Variants in ABCC3 observed in about 807,000 individuals in gnomAD.
ABCC3 encodes ATP-binding cassette sub-family C member 3.
A neutral mutation model predicts 165.3 loss-of-function variants in ABCC3; 121 were observed. The observed-to-expected ratio is 0.73, with a 90% CI of 0.63 to 0.85. The LOEUF is 0.85. Ranked by LOEUF, ABCC3 falls within the 40% of genes least tolerant of loss-of-function variation. The pLI, the probability that ABCC3 is intolerant of heterozygous loss-of-function variation, is 0.00. For missense variants in ABCC3, 1,869 were observed against 1,964.1 expected, an observed-to-expected ratio of 0.95 and a Z score of 0.92; for synonymous variants, 733 against 810.1, an observed-to-expected ratio of 0.90 and a Z score of 1.62.
At chr17:50,677,521 G>T (rs568743932) in intron 23 of ABCC3, among the ~76,000 whole-genome samples, 1 of 152,270 alleles carries the variant, frequency 6.6e-6, no homozygotes, top group East Asian at 1.9e-4. Flanking sequence ...AGGCAGAGCC[G>T]TGTTGTTGTG....
Position 50,663,980 on chromosome 17 carries a change from G to A in ABCC3, c.1207G>A (p.Ala403Thr). Residue 403 changes from alanine to threonine, a missense_variant, in exon 10 of 31, where the codon GCG (alanine) becomes ACG (threonine). Transcript: ENST00000285238. ...ALVITNSVKR[A>T]STVGEIVNLM... ...GGTTATCACCAACTCAGTCAAACGT[G>A]CGTCCACTGTGGGGGAAATTGTCAA... is the stretch of plus-strand genomic sequence containing the variant. 2 of 1,614,154 alleles carry A rather than the reference G, an allele frequency of 1.2e-6. No homozygotes were observed. Among genetic ancestry groups the A allele is most frequent in the Non-Finnish European group, 1.7e-6 (2 of 1,180,028 alleles).
chr17:50,690,219 G>A (rs1968095958), intron 30 of ABCC3, among the ~76,000 whole-genome samples: 2 of 152,178 alleles, frequency 1.3e-5, no homozygotes, highest in Admixed American at 1.3e-4. Flanking sequence ...CAAGATGGGG[G>A]TGGAGAACAG....
rs754371461 is a variant in ABCC3 at position 50,675,676 on chromosome 17, T to G, written c.2760T>G (p.Pro920=). 2.2e-5 allele frequency: 34 copies of G among 1,573,136 alleles called. No homozygotes were observed. Among genetic ancestry groups the G allele is most frequent in the Middle Eastern group, 3.4e-4 (2 of 5,806 alleles). Residue 920 remains proline (P), a synonymous_variant, in exon 21 of 31, where the codon CCT becomes CCG. Transcript: ENST00000285238. ...LSSDGEGQGR[P]VPRRHLGPSE... Reference sequence around the variant, plus strand: ...CAGATGGGGAGGGACAGGGTCGGCCTGTACCCCGGAGGCACCTGGGTCCAT... The same window carrying G: ...CAGATGGGGAGGGACAGGGTCGGCCGGTACCCCGGAGGCACCTGGGTCCAT...
intron 1 of ABCC3, among the ~76,000 whole-genome samples, chr17:50,651,857 G>C (rs1326652548): frequency 6.6e-6 from 1 of 152,104 alleles, no homozygotes; most frequent in Non-Finnish European, 1.5e-5. Context: ...TAAACAACTA[G>C]TCATCATTTT....
chr17:50,682,463 C>T (rs1366286209), intron 26 of ABCC3, among the ~76,000 whole-genome samples: 1 of 152,048 alleles, frequency 6.6e-6, no homozygotes, highest in South Asian at 2.1e-4. Flanking sequence ...CTGCAAGGCC[C>T]TACATGATGG....
intron 30 of ABCC3, among the ~76,000 whole-genome samples, chr17:50,690,690 C>T (rs573112430): frequency 6.6e-6 from 1 of 152,354 alleles, no homozygotes; most frequent in Non-Finnish European, 1.5e-5. Flanking sequence ...CCAGTGTCAG[C>T]CTCGCTGCAG....
chr17:50,679,904 G>A lies in ABCC3; in HGVS notation c.3807+5G>A. 1.2e-6 allele frequency: 2 copies of A among 1,611,508 alleles called. No individual in the cohort carries two copies. Among genetic ancestry groups the A allele is most frequent in the Non-Finnish European group, 1.7e-6 (2 of 1,177,738 alleles). On this transcript the variant is annotated splice_donor_5th_base_variant and intron_variant, in intron 26 of 30. Transcript: ENST00000285238. ...TACTCCAAGACAGAGACAGAGGTGG[G>A]TACTGGCATGAGCCCGGGACAGGGG...
chr17:50,681,295 A>G (rs1426263603), intron 26 of ABCC3, among the ~76,000 whole-genome samples: 2 of 151,736 alleles, frequency 1.3e-5, no homozygotes, highest in Non-Finnish European at 2.9e-5. Context: ...TAAGACGTGA[A>G]CTCCCTCAAC....
In ABCC3 at chr17:50,659,314, T is replaced by C. The variant is rs1429073455; in HGVS notation, c.752T>C (p.Met251Thr). Residue 251 changes from methionine (M) to threonine (T), a missense_variant, in exon 7 of 31, where the codon ATG (methionine) becomes ACG (threonine). By Grantham distance (81) the Met-to-Thr change is moderately conservative. Transcript: ENST00000285238. Reference sequence around the variant, plus strand: ...CTAAAGGAAGAGGACAGATCCCAGATGGTGGTGCAGCAGCTGCTGGAGGCA... The same window carrying C: ...CTAAAGGAAGAGGACAGATCCCAGACGGTGGTGCAGCAGCTGCTGGAGGCA... ...WSLKEEDRSQ[M>T]VVQQLLEAWR... is the part of the protein sequence containing the mutation. 8 of 1,613,188 alleles carry C rather than the reference T, an allele frequency of 5.0e-6. No individual in the cohort carries two copies. The South Asian group carries it at 8.8e-5, about 18-fold the overall frequency.
intron 19 of ABCC3, among the ~76,000 whole-genome samples, chr17:50,674,973 T>C (rs983592834): frequency 6.6e-6 from 1 of 151,956 alleles, no homozygotes; most frequent in African/African-American, 2.4e-5. Flanking sequence ...CTAATTTTTG[T>C]ATTTTTAGTA....
At chr17:50,653,344 CAAAAAAAAAAAAA>C (rs1298179994) in intron 1 of ABCC3, among the ~76,000 whole-genome samples, 1 of 47,758 alleles carries the variant, frequency 2.1e-5, no homozygotes, top group Non-Finnish European at 4.7e-5. Context: ...GAGACTGTCT[CAAAAAAAAAAAAA>C]AAAAAAGAAA....
intron 23 of ABCC3, among the ~76,000 whole-genome samples, chr17:50,676,847 G>A (rs566056193): frequency 6.7e-6 from 1 of 150,334 alleles, no homozygotes; most frequent in South Asian, 2.1e-4. Flanking sequence ...GTTATACATT[G>A]TAGCTGGCAC....
rs1397156733 is a variant in ABCC3, at chr17:50,683,608, A to T, written c.3808-2A>T. On this transcript the variant is annotated splice_acceptor_variant, in intron 26 of 30. Coordinates refer to ENST00000285238, the MANE Select transcript of ABCC3 (RefSeq NM_003786.4). LOFTEE classifies it high-confidence loss of function. The stretch of plus-strand genomic sequence containing the variant: ...TGTGACCCCATCTGCCCCTCCTGCC[A>T]GGCGCCCTGGGTGGTGGAAGGCAGC... 1.3e-6 allele frequency: 2 copies of T among 1,554,742 alleles called. No homozygotes were observed.
Position 50,647,809 on chromosome 17 carries a change from G to A in ABCC3, c.46-8023G>A, listed in dbSNP as rs545784721. Among the ~76,000 whole-genome samples the A allele has an allele frequency of 3.2e-4, 48 of 152,288 alleles. No homozygotes were observed. In the South Asian group the frequency reaches 8.1e-3, roughly 26 times the overall value. On this transcript the variant is annotated intron_variant, in intron 1 of 30. Transcript: ENST00000285238. ...TCCCAGCACTTTGGGAGGCCAAGGCGGGTGGATGACCTGAGGTCAAGAGTT... is the reference window on the plus strand; with the variant it reads ...TCCCAGCACTTTGGGAGGCCAAGGCAGGTGGATGACCTGAGGTCAAGAGTT...
rs1463375148 is a variant in ABCC3, at chr17:50,653,357, AAAAAAAG to A, written c.46-2469_46-2463del. On this transcript the variant is annotated intron_variant, in intron 1 of 30. Coordinates refer to ENST00000285238, the MANE Select transcript of ABCC3 (RefSeq NM_003786.4). ...GCGAGACTGTCTCAAAAAAAAAAAA[AAAAAAAG>A]AAAAAGAAAAAGAAAAAGGAAAAGC... Among the ~76,000 whole-genome samples, 130 of 151,552 alleles carry A rather than the reference AAAAAAAG, an allele frequency of 8.6e-4. No homozygotes were observed. The East Asian group carries it at 0.022, about 26-fold the overall frequency.
chr17:50,659,095 G>A, intron 6 of ABCC3, 142 bp from the exon 7 acceptor site: 4 of 986,320 alleles, frequency 4.1e-6, no homozygotes, highest in Non-Finnish European at 6.0e-6. Flanking sequence ...GGAAATGAAG[G>A]AGACACCTTT....
chr17:50,667,854 G>C lies in ABCC3; in HGVS notation c.1636-9G>C, dbSNP rs370374646. On this transcript the variant is annotated splice_polypyrimidine_tract_variant and intron_variant, in intron 12 of 30. Transcript: ENST00000285238. ...GACTCTACCCTGACACCACCTCCAC[G>C]CTGCTCAGGTGACCCTGATCACCCT... The C allele has an allele frequency of 6.2e-7, 1 of 1,613,822 alleles. No individual in the cohort carries two copies. Among genetic ancestry groups the C allele is most frequent in the South Asian group, 1.1e-5 (1 of 91,044 alleles).
At chr17:50,655,174 G>A (rs1219240358) in intron 1 of ABCC3, among the ~76,000 whole-genome samples, 1 of 149,090 alleles carries the variant, frequency 6.7e-6, no homozygotes, top group Non-Finnish European at 1.5e-5. Context: ...TTCGGAGGCC[G>A]ATGCGGGCAG....
In ABCC3 at chr17:50,678,156, C is replaced by G. The variant is rs11568582; in HGVS notation, c.3642C>G (p.Ala1214=). The change falls in exon 25 of 31, where the codon GCC becomes GCG. Residue 1214 remains alanine (A), a synonymous_variant. Coordinates refer to ENST00000285238, the MANE Select transcript of ABCC3 (RefSeq NM_003786.4). ...TGGTGCTCTTTGCTGCACTATTTGC[C>G]GTCATCGGGAGGAGCAGCCTGAACC... is the stretch of plus-strand genomic sequence containing the variant. ...NCVVLFAALF[A]VIGRSSLNPG... is the part of the protein sequence containing the mutation. 1 of 1,554,854 alleles carries G rather than the reference C, an allele frequency of 6.4e-7. No homozygotes were observed. Among genetic ancestry groups the G allele is most frequent in the South Asian group, 1.3e-5 (1 of 79,830 alleles).
Sources: allele counts gnomAD v4.1 joint callset (sites outside exome capture counted in the v4.1 genomes callset), GRCh38; gene constraint gnomAD v4.1.1; transcripts MANE v1.5; gene names NCBI Gene and HGNC (gene_info 2026-07-23, HGNC 2026-07-21).